Variants in EEFSEC observed in about 807,000 individuals in gnomAD.
The protein encoded by EEFSEC is selenocysteine-specific elongation factor.
In EEFSEC, 43 loss-of-function variants were observed where a neutral mutation model predicts 42.1. The observed-to-expected ratio is 1.02, with a 90% CI of 0.80 to 1.32. The LOEUF (loss-of-function observed/expected upper bound fraction) is 1.32, where lower values mean the gene tolerates loss of function less well. EEFSEC is among the 40% of genes most tolerant of loss of function. The pLI is 0.00. For missense variants in EEFSEC, 745 were observed against 803.6 expected (o/e 0.93, Z 0.88); for synonymous variants, 354 against 339.1 (o/e 1.04, Z -0.48).
At chr3:128,301,800 C>T (rs555434944) in intron 4 of EEFSEC, among the ~76,000 whole-genome samples, 25 of 152,158 alleles carry the variant, frequency 1.6e-4, no homozygotes, top group Admixed American at 7.2e-4. Flanking sequence ...TTACACATGT[C>T]GCAACATTTA....
chr3:128,153,580 C>T lies in EEFSEC; in HGVS notation c.73C>T (p.Arg25Trp). The change falls in exon 1 of 7, where the codon CGG becomes TGG. Residue 25 changes from arginine to tryptophan, a missense_variant. Physicochemically the swap from Arg to Trp is moderately radical, Grantham distance 101. Coordinates refer to ENST00000254730, the MANE Select transcript of EEFSEC (RefSeq NM_021937.5). ...CGACAGCGGCAAGACGGCGCTGGCG[C>T]GGGCGCTAAGCACCACAGCCTCCAC... ...HIDSGKTALA[R>W]ALSTTASTAA... is the part of the protein sequence containing the mutation. The T allele has an allele frequency of 6.4e-7, 1 of 1,558,246 alleles. No homozygotes were observed.
chr3:128,312,848 G>A (rs1187668679), intron 4 of EEFSEC, among the ~76,000 whole-genome samples: 3 of 152,178 alleles, frequency 2.0e-5, no homozygotes, highest in African/African-American at 7.2e-5. Flanking sequence ...AGAATACCCA[G>A]AAGACAGTTT....
At chr3:128,265,526 A>G (rs1221831037) in intron 4 of EEFSEC, among the ~76,000 whole-genome samples, 1 of 152,354 alleles carries the variant, frequency 6.6e-6, no homozygotes, top group East Asian at 1.9e-4. Flanking sequence ...CAAGAATAAA[A>G]GGTAGGGAAC....
At chr3:128,300,329 C>T (rs1204954295) in intron 4 of EEFSEC, among the ~76,000 whole-genome samples, 1 of 152,074 alleles carries the variant, frequency 6.6e-6, no homozygotes, top group Non-Finnish European at 1.5e-5. Context: ...GCGGGCCAGG[C>T]GAGGTGGCTC....
At chr3:128,306,254 A>AC in intron 4 of EEFSEC, among the ~76,000 whole-genome samples, 1 of 151,378 alleles carries the variant, frequency 6.6e-6, no homozygotes, top group East Asian at 1.9e-4. Flanking sequence ...TTTGAGATAA[A>AC]CCCCCCACCT....
chr3:128,183,841 T>A (rs1240256217), intron 1 of EEFSEC, among the ~76,000 whole-genome samples: 1 of 152,212 alleles, frequency 6.6e-6, no homozygotes, highest in South Asian at 2.1e-4. Flanking sequence ...ATTCCTTATC[T>A]GTGTAAGGAG....
intron 4 of EEFSEC, among the ~76,000 whole-genome samples, chr3:128,304,318 C>T: frequency 6.6e-6 from 1 of 151,840 alleles, no homozygotes; most frequent in East Asian, 1.9e-4. Flanking sequence ...TCTTTCTTTC[C>T]ACTTACTTAG....
At chr3:128,306,306 A>G (rs1013154315) in intron 4 of EEFSEC, among the ~76,000 whole-genome samples, 2 of 152,156 alleles carry the variant, frequency 1.3e-5, no homozygotes, top group Non-Finnish European at 1.5e-5. Context: ...TTATTTTATA[A>G]ATTGTTTGTT....
At chr3:128,238,612 A>G (rs945917945) in intron 1 of EEFSEC, among the ~76,000 whole-genome samples, 3 of 152,116 alleles carry the variant, frequency 2.0e-5, no homozygotes, top group African/African-American at 7.2e-5. Context: ...GGTTCAAGTA[A>G]TTCTCGTGTC....
intron 6 of EEFSEC, among the ~76,000 whole-genome samples, chr3:128,390,378 T>C (rs79850887): frequency 0.015 from 2,234 of 152,164 alleles, 51 homozygotes; most frequent in African/African-American, 0.051. Context: ...TCAGGAGGGG[T>C]GCATGTGGGG....
intron 4 of EEFSEC, among the ~76,000 whole-genome samples, chr3:128,330,641 C>T (rs946774950): frequency 3.3e-5 from 5 of 152,028 alleles, no homozygotes; most frequent in Admixed American, 6.5e-5. Context: ...CTGTGGGGCT[C>T]CAGGTAACAC....
chr3:128,208,423 T>C (rs1184657857), intron 1 of EEFSEC, among the ~76,000 whole-genome samples: 2 of 152,224 alleles, frequency 1.3e-5, no homozygotes, highest in Non-Finnish European at 2.9e-5. Flanking sequence ...ATGGGGCTCA[T>C]AGTCTAGAGG....
intron 4 of EEFSEC, among the ~76,000 whole-genome samples, chr3:128,326,364 A>G (rs2067063489): frequency 6.6e-6 from 1 of 152,158 alleles, no homozygotes; most frequent in African/African-American, 2.4e-5. Context: ...AGAGACTCCC[A>G]CCATCTCTTT....
chr3:128,335,407 G>A (rs532673778), intron 4 of EEFSEC, among the ~76,000 whole-genome samples: 4 of 152,306 alleles, frequency 2.6e-5, no homozygotes, highest in Non-Finnish European at 4.4e-5. Flanking sequence ...TGGCATCCAA[G>A]CAGGTATGGG....
intron 6 of EEFSEC, among the ~76,000 whole-genome samples, chr3:128,390,402 G>A (rs139448082): frequency 4.3e-4 from 66 of 152,352 alleles, no homozygotes; most frequent in African/African-American, 1.3e-3. Flanking sequence ...GGACCTTTTC[G>A]CCTCTTTGCC....
intron 5 of EEFSEC, among the ~76,000 whole-genome samples, chr3:128,355,659 T>A (rs1576666211): frequency 6.7e-6 from 1 of 149,500 alleles, no homozygotes; most frequent in Middle Eastern, 3.5e-3. Flanking sequence ...CTTGCAAATG[T>A]ACCAACAACT....
chr3:128,369,051 C>A lies in EEFSEC; in HGVS notation c.1600+10678C>A, dbSNP rs554655045. Among the ~76,000 whole-genome samples the A allele has an allele frequency of 9.8e-5, 15 of 152,374 alleles. No individual in the cohort carries two copies. The South Asian group carries it at 2.9e-3, about 29-fold the overall frequency. On this transcript the variant is annotated intron_variant, in intron 6 of 6. Coordinates refer to ENST00000254730, the MANE Select transcript of EEFSEC (RefSeq NM_021937.5). ...GCACCAGGTCCTTAATGTGCCGTCT[C>A]TTCCTCCTGCTGCAGCCTTCAAGAG...
At chr3:128,379,505 A>G (rs1028512858) in intron 6 of EEFSEC, among the ~76,000 whole-genome samples, 2 of 152,214 alleles carry the variant, frequency 1.3e-5, no homozygotes, top group African/African-American at 4.8e-5. Flanking sequence ...GAGTAACACA[A>G]TACGTTAAAA....
intron 4 of EEFSEC, among the ~76,000 whole-genome samples, chr3:128,319,146 C>A (rs2066980205): frequency 6.6e-6 from 1 of 152,178 alleles, no homozygotes; most frequent in African/African-American, 2.4e-5. Context: ...TTCCTTTCCC[C>A]ACTGTGTTTT....
Sources: gnomAD v4.1 joint callset for allele counts (sites outside exome capture counted in the v4.1 genomes callset) on GRCh38, gnomAD v4.1.1 for gene constraint, MANE v1.5 for transcripts, NCBI Gene and HGNC (gene_info 2026-07-23, HGNC 2026-07-21) for gene names.